LNX2: variants seen among roughly 807,000 people sequenced by gnomAD.
The protein encoded by LNX2 is ligand of Numb protein X 2.
Under a neutral mutation model 66.2 loss-of-function variants are expected in LNX2, and 35 were observed. The ratio of observed to expected loss-of-function variants is 0.53; its 90% CI spans 0.40 to 0.70. The LOEUF (loss-of-function observed/expected upper bound fraction) is 0.70. Ranked by LOEUF, LNX2 falls within the 30% of genes least tolerant of loss-of-function variation. LNX2 has a pLI of 0.00. For synonymous variants in LNX2, 337 were observed against 315.6 expected (o/e 1.07, Z -0.72); for missense variants, 791 against 850.8 (o/e 0.93, Z 0.87).
At chr13:27,609,341 A>G (rs985541876) in intron 1 of LNX2, among the ~76,000 whole-genome samples, 1 of 151,576 alleles carries the variant, frequency 6.6e-6, no homozygotes, top group Non-Finnish European at 1.5e-5. Context: ...TCTAGTAGAG[A>G]CAGAGTTTCA....
intron 1 of LNX2, among the ~76,000 whole-genome samples, chr13:27,614,798 A>G (rs1304623263): frequency 6.6e-6 from 1 of 152,204 alleles, no homozygotes; most frequent in African/African-American, 2.4e-5. Flanking sequence ...AGTCTTTAAG[A>G]TTAGTAGCCG....
intron 1 of LNX2, among the ~76,000 whole-genome samples, chr13:27,608,384 T>C (rs1593265383): frequency 6.6e-6 from 1 of 152,316 alleles, no homozygotes; most frequent in African/African-American, 2.4e-5. Flanking sequence ...ATATCTAGAA[T>C]GGTACACAGC....
At chr13:27,605,848 T>C (rs113648084) in intron 1 of LNX2, among the ~76,000 whole-genome samples, 347 of 152,278 alleles carry the variant, frequency 2.3e-3, no homozygotes, top group African/African-American at 7.9e-3. Context: ...AGAAAAGCAA[T>C]GTAACACTGA....
At chr13:27,571,752 T>C (rs1955282524) in intron 2 of LNX2, among the ~76,000 whole-genome samples, 1 of 152,188 alleles carries the variant, frequency 6.6e-6, no homozygotes, top group Non-Finnish European at 1.5e-5. Flanking sequence ...CAGAGCAGAC[T>C]TGGGCAGATA....
At chr13:27,583,218 G>GCCC (rs1415107261) in intron 1 of LNX2, among the ~76,000 whole-genome samples, 2 of 18,480 alleles carry the variant, frequency 1.1e-4, no homozygotes, top group African/African-American at 7.0e-4. Flanking sequence ...GTGTGTGTGT[G>GCCC]TGTGTGTGTG....
chr13:27,566,917 C>A (rs1295411026), intron 4 of LNX2, among the ~76,000 whole-genome samples: 1 of 152,150 alleles, frequency 6.6e-6, no homozygotes, highest in Non-Finnish European at 1.5e-5. Flanking sequence ...TTAACATCAA[C>A]TCCGGGATTG....
chr13:27,560,565 G>GTGTATGTATATATA (rs35007288), intron 5 of LNX2, among the ~76,000 whole-genome samples: 1 of 119,970 alleles, frequency 8.3e-6, no homozygotes, highest in African/African-American at 3.3e-5. Flanking sequence ...ATGTATGTGT[G>GTGTATGTATATATA]TATATATATA....
chr13:27,561,540 A>G (rs1215200286), intron 5 of LNX2, among the ~76,000 whole-genome samples: 2 of 152,246 alleles, frequency 1.3e-5, no homozygotes, highest in Non-Finnish European at 2.9e-5. Context: ...AATTAGACCA[A>G]TATCAGAATC....
At chr13:27,572,109 T>G (rs1451956111) in intron 2 of LNX2, among the ~76,000 whole-genome samples, 1 of 152,192 alleles carries the variant, frequency 6.6e-6, no homozygotes, top group Non-Finnish European at 1.5e-5. Flanking sequence ...TTTCTAGGCC[T>G]TGGGAAAATA....
intron 1 of LNX2, among the ~76,000 whole-genome samples, chr13:27,582,316 C>T (rs1286632709): frequency 1.3e-5 from 2 of 152,014 alleles, no homozygotes; most frequent in African/African-American, 4.8e-5. Flanking sequence ...TGTGAGCCAC[C>T]GTGCCTGGCT....
intron 1 of LNX2, among the ~76,000 whole-genome samples, chr13:27,597,435 G>A (rs1365945663): frequency 6.6e-6 from 1 of 152,158 alleles, no homozygotes; most frequent in African/African-American, 2.4e-5. Flanking sequence ...TGGGGAACAA[G>A]GAACAACAGC....
intron 1 of LNX2, among the ~76,000 whole-genome samples, chr13:27,582,166 ACTACAGGTGCACGCCACCATGTC>A (rs1955406256): frequency 6.6e-6 from 1 of 152,008 alleles, no homozygotes; most frequent in African/African-American, 2.4e-5. Flanking sequence ...AGTAGCTGGT[ACTACAGGTGCACGCCACCATGTC>A]CTGTTAATTT....
intron 3 of LNX2, 88 bp downstream of exon 3, chr13:27,568,941 C>T (rs1367653470): frequency 5.9e-6 from 8 of 1,365,270 alleles, no homozygotes; most frequent in Non-Finnish European, 7.8e-6. Flanking sequence ...TTAAATTTTT[C>T]TTTAAAGATG....
chr13:27,552,352 C>T (rs73446816), intron 8 of LNX2, among the ~76,000 whole-genome samples: 1 of 152,100 alleles, frequency 6.6e-6, no homozygotes, highest in Non-Finnish European at 1.5e-5. Flanking sequence ...ATGCGCAAAG[C>T]GCCTTGAAGC....
At chr13:27,588,494 G>A (rs1168030967) in intron 1 of LNX2, among the ~76,000 whole-genome samples, 1 of 152,200 alleles carries the variant, frequency 6.6e-6, no homozygotes, top group African/African-American at 2.4e-5. Context: ...TGGATTAGAG[G>A]TTGCCAAGGA....
chr13:27,619,693 A>G (rs1218960), intron 1 of LNX2, among the ~76,000 whole-genome samples: 95,952 of 152,158 alleles, frequency 0.63, 31,139 homozygotes, highest in Non-Finnish European at 0.69. Context: ...TGAAATACTA[A>G]AAGAAACACT....
chr13:27,583,211 T>TGCGCGCGCGCGCGC (rs1555268472), intron 1 of LNX2, among the ~76,000 whole-genome samples: 1 of 24,376 alleles, frequency 4.1e-5, no homozygotes, highest in Non-Finnish European at 7.5e-5. Flanking sequence ...TGTGTGTGTG[T>TGCGCGCGCGCGCGC]GTGTGTGTGT....
chr13:27,618,969 C>T (rs1955858099), intron 1 of LNX2, among the ~76,000 whole-genome samples: 1 of 152,214 alleles, frequency 6.6e-6, no homozygotes, highest in African/African-American at 2.4e-5. Context: ...GGGATAAAGG[C>T]ATGGATCAGT....
rs139334248 is a variant in LNX2, at chr13:27,578,272, G to A, written c.407+3025C>T. ...TAAACCCTAAAAGCTCAAGAGCAAA[G>A]GCACATGACAGCCATGCAACTTTTA... On this transcript the variant is annotated intron_variant, in intron 2 of 9. Transcript: ENST00000316334. Among the ~76,000 whole-genome samples, 718 of 152,232 alleles carry A rather than the reference G, an allele frequency of 4.7e-3. 2 individuals are homozygous for A. Among genetic ancestry groups the A allele is most frequent in the African/African-American group, 0.016 (660 of 41,528 alleles).
Sources: allele counts gnomAD v4.1 joint callset (sites outside exome capture counted in the v4.1 genomes callset), GRCh38; gene constraint gnomAD v4.1.1; transcripts MANE v1.5; gene names NCBI Gene and HGNC (gene_info 2026-07-23, HGNC 2026-07-21).